The following APLN variants were observed in gnomAD, a reference collection of about 807,000 sequenced individuals.
The protein encoded by APLN is AGTRL1 ligand.
APLN carries 2 observed loss-of-function variants against 4.3 expected under a neutral mutation model. The ratio of observed to expected loss-of-function variants is 0.46; its 90% CI spans 0.19 to 1.45. APLN has a LOEUF of 1.45. Ranked by LOEUF, APLN falls within the 40% of genes most tolerant of loss-of-function variation. The probability of loss-of-function intolerance (pLI) is 0.25; values close to 1 mark genes in which losing one functional copy is unlikely to be tolerated. For synonymous variants in APLN, 34 were observed against 30.4 expected (o/e 1.12, Z -0.38); for missense variants, 80 against 70.0 (o/e 1.14, Z -0.51).
In APLN at chrX:129,646,885, C is replaced by T. The variant is rs1045858574; in HGVS notation, c.*1038G>A. The T allele has an allele frequency of 8.9e-6, 1 of 112,730 alleles. No homozygotes were observed. The highest frequency in any genetic ancestry group is 1.9e-5 in the Non-Finnish European group (1 of 53,464). 9.3% of individuals were successfully genotyped at this position (112,730 alleles called of 1,213,427 possible). A position where few individuals can be genotyped will look rare whatever the true frequency, so the allele number is the denominator to read the frequency against. On this transcript the variant is annotated 3_prime_UTR_variant, in exon 3 of 3. Coordinates refer to ENST00000429967, the MANE Select transcript of APLN (RefSeq NM_017413.5). Reference sequence around the variant, plus strand: ...CCAGCTTGCCTCTCCCTTCCCTTCCCCTCCCAGCCACCCCCAGCCCCAGCC... The same window carrying T: ...CCAGCTTGCCTCTCCCTTCCCTTCCTCTCCCAGCCACCCCCAGCCCCAGCC...
chrX:129,647,983 A>G (rs977596399), intron 2 of APLN, 66 bp from the exon 3 acceptor site: 61 of 964,789 alleles, frequency 6.3e-5, no homozygotes, highest in Admixed American at 1.3e-4. Context: ...ACTCCCCAGG[A>G]AAGGAGAGGA....
chrX:129,646,938 A>G lies in APLN; in HGVS notation c.*985T>C. On this transcript the variant is annotated 3_prime_UTR_variant, in exon 3 of 3. Transcript: ENST00000429967. ...GGGAAAAGGCACTTCATTTGCTTTG[A>G]AAAGACATCATCAAGAGGGAAGAGG... is the stretch of plus-strand genomic sequence containing the variant. The G allele has an allele frequency of 8.9e-6, 1 of 112,423 alleles. No individual in the cohort carries two copies. The allele number at this position is 112,423 out of a possible 1,213,427, so 9.3% of individuals were successfully genotyped here.
In APLN at chrX:129,647,334, G is replaced by A. The variant is rs937488636; in HGVS notation, c.*589C>T. On this transcript the variant is annotated 3_prime_UTR_variant, in exon 3 of 3. Transcript: ENST00000429967. ...CTACCTCTCCCTTAACTGAGCAAAC[G>A]CTGATGCTCCACCCACTTCACCAGA... The A allele has an allele frequency of 4.5e-6, 1 of 221,964 alleles. No individual in the cohort carries two copies. The highest frequency in any genetic ancestry group is 2.9e-5 in the African/African-American group (1 of 34,432). The allele number at this position is 221,964 out of a possible 1,213,427, so 18.3% of individuals were successfully genotyped here. A position where few individuals can be genotyped will look rare whatever the true frequency, so the allele number is the denominator to read the frequency against.
Position 129,654,918 on chromosome X carries a change from T to A in APLN, c.-288A>T. 1 of 149,622 alleles carries A rather than the reference T, an allele frequency of 6.7e-6. No homozygotes were observed. The highest frequency in any genetic ancestry group is 1.3e-5 in the Non-Finnish European group (1 of 76,598). 12.3% of individuals were successfully genotyped at this position (149,622 alleles called of 1,213,427 possible). ...TAGCGGCTGGCTGCTCGGCCGCGGC[T>A]GCAACTGCCCGTGACCCCGGCTGCC... On this transcript the variant is annotated 5_prime_UTR_variant, in exon 1 of 3. Transcript: ENST00000429967.
intron 1 of APLN, among the ~76,000 whole-genome samples, chrX:129,650,704 CAT>C (rs751894698): frequency 4.5e-4 from 51 of 112,229 alleles, no homozygotes; most frequent in African/African-American, 1.6e-3. Flanking sequence ...GTCTGACTGT[CAT>C]AGAGCTACCC....
Position 129,647,522 on chromosome X carries a change from G to T in APLN, c.*401C>A. Reference sequence around the variant, plus strand: ...ACAGGAAAACAAGGGATCTGCTGGAGCCCACAGAAGGGAGCACTTCCACCC... The same window carrying T: ...ACAGGAAAACAAGGGATCTGCTGGATCCCACAGAAGGGAGCACTTCCACCC... On this transcript the variant is annotated 3_prime_UTR_variant, in exon 3 of 3. Coordinates refer to ENST00000429967, the MANE Select transcript of APLN (RefSeq NM_017413.5). 2.6e-6 allele frequency: 2 copies of T among 760,005 alleles called. No homozygotes were observed. The highest frequency in any genetic ancestry group is 5.2e-5 in the South Asian group (2 of 38,150). The allele number at this position is 760,005 out of a possible 1,213,427, so 62.6% of individuals were successfully genotyped here.
intron 1 of APLN, 81 bp from the exon 2 acceptor site, chrX:129,648,873 G>C: frequency 1.1e-6 from 1 of 920,896 alleles, no homozygotes; most frequent in South Asian, 2.6e-5. Context: ...CGCGGGAGGG[G>C]TGGTCTGTCC....
At chrX:129,651,134 G>C (rs935656901) in intron 1 of APLN, among the ~76,000 whole-genome samples, 1 of 86,619 alleles carries the variant, frequency 1.2e-5, no homozygotes. Context: ...TGGGGAGCAG[G>C]GTTGGTGGCT....
rs1042298964 is a variant in APLN, at chrX:129,646,079, C to G, written c.*1844G>C. On this transcript the variant is annotated 3_prime_UTR_variant, in exon 3 of 3. Transcript: ENST00000429967. ...GGGCTTGGCTGCAGGTCATGGCAGG[C>G]CGATGAGGCAGGAGACACAGAAAGG... is the stretch of plus-strand genomic sequence containing the variant. 1 of 112,536 alleles carries G rather than the reference C, an allele frequency of 8.9e-6. No homozygotes were observed. Among genetic ancestry groups the G allele is most frequent in the Non-Finnish European group, 1.9e-5 (1 of 53,462 alleles). The allele number at this position is 112,536 out of a possible 1,213,427, so 9.3% of individuals were successfully genotyped here.
At chrX:129,650,615 A>G (rs1293530699) in intron 1 of APLN, among the ~76,000 whole-genome samples, 1 of 112,582 alleles carries the variant, frequency 8.9e-6, no homozygotes, top group African/African-American at 3.2e-5. Context: ...CCTTAAATTC[A>G]TAACCTATGA....
intron 1 of APLN, among the ~76,000 whole-genome samples, chrX:129,652,861 G>A (rs1158708603): frequency 9.0e-6 from 1 of 111,126 alleles, no homozygotes; most frequent in East Asian, 2.9e-4. Context: ...CAGCCTCTGG[G>A]GGGAGCACCA....
chrX:129,645,333 A>G lies in APLN; in HGVS notation c.*2590T>C, dbSNP rs534223438. 2 of 112,770 alleles carry G rather than the reference A, an allele frequency of 1.8e-5. No individual in the cohort carries two copies. The highest frequency in any genetic ancestry group is 6.4e-5 in the African/African-American group (2 of 31,062). 9.3% of individuals were successfully genotyped at this position (112,770 alleles called of 1,213,427 possible). A position where few individuals can be genotyped will look rare whatever the true frequency, so the allele number is the denominator to read the frequency against. On this transcript the variant is annotated 3_prime_UTR_variant, in exon 3 of 3. Coordinates refer to ENST00000429967, the MANE Select transcript of APLN (RefSeq NM_017413.5). ...GCAACTCTACTTTGTGAAACATAAA[A>G]TGATACAAACAAAGTCATTATCAAA...
rs1423131206 is a variant in APLN at position 129,645,769 on chromosome X, GC to G, written c.*2153del. Reference sequence around the variant, plus strand: ...CCCATGACCCCCAGGGGAAAGGAATGCCCCTCCTGAACATGACCTCCAAGAG... The same window carrying G: ...CCCATGACCCCCAGGGGAAAGGAATGCCCTCCTGAACATGACCTCCAAGAG... On this transcript the variant is annotated 3_prime_UTR_variant, in exon 3 of 3. Transcript: ENST00000429967. 1 of 112,503 alleles carries G rather than the reference GC, an allele frequency of 8.9e-6. No homozygotes were observed. Among genetic ancestry groups the G allele is most frequent in the East Asian group, 2.8e-4 (1 of 3,586 alleles). 9.3% of individuals were successfully genotyped at this position (112,503 alleles called of 1,213,427 possible).
Position 129,652,697 on chromosome X carries a change from G to A in APLN, c.67+1867C>T, listed in dbSNP as rs2235311. 1.2e-4 allele frequency among the ~76,000 whole-genome samples: 14 copies of A among 112,564 alleles called. No homozygotes were observed. In the East Asian group the frequency reaches 2.8e-3, roughly 23 times the overall value. On this transcript the variant is annotated intron_variant, in intron 1 of 2. Transcript: ENST00000429967. ...AATGAAGACGGGGGAATTAAAGCAC[G>A]AAGTGGCAGGCTCTGGACCAGCCAC...
intron 1 of APLN, 84 bp downstream of exon 1, chrX:129,654,480 C>G: frequency 1.1e-6 from 1 of 950,145 alleles, no homozygotes; most frequent in Non-Finnish European, 1.4e-6. Flanking sequence ...CCGGGCTCCC[C>G]GGGAGGCGGG....
chrX:129,654,885 CTCTT>C lies in APLN; in HGVS notation c.-259_-256del. 5.8e-6 allele frequency: 1 copy of C among 172,406 alleles called. No individual in the cohort carries two copies. Among genetic ancestry groups the C allele is most frequent in the Non-Finnish European group, 1.1e-5 (1 of 91,326 alleles). The allele number at this position is 172,406 out of a possible 1,213,427, so 14.2% of individuals were successfully genotyped here. Reference sequence around the variant, plus strand: ...CGGCTCCGGGAGCGGCAGCGGCGAGCTCTTTCTTAGCGGCTGGCTGCTCGGCCGC... The same window carrying C: ...CGGCTCCGGGAGCGGCAGCGGCGAGCTCTTAGCGGCTGGCTGCTCGGCCGC... On this transcript the variant is annotated 5_prime_UTR_variant, in exon 1 of 3. Transcript: ENST00000429967.
Position 129,652,902 on chromosome X carries a change from C to T in APLN, c.67+1662G>A, listed in dbSNP as rs563741121. Among the ~76,000 whole-genome samples the T allele has an allele frequency of 3.6e-5, 4 of 111,792 alleles. No individual in the cohort carries two copies. The South Asian group carries it at 1.5e-3, about 42-fold the overall frequency. ...GCAGATCCAGGAGCCCTACCTTCCT[C>T]TGGAACACTCTCTGCACCCAGTCTT... On this transcript the variant is annotated intron_variant, in intron 1 of 2. Transcript: ENST00000429967.
intron 1 of APLN, among the ~76,000 whole-genome samples, chrX:129,653,956 C>T (rs1284371627): frequency 2.7e-5 from 3 of 111,757 alleles, no homozygotes; most frequent in Non-Finnish European, 5.7e-5. Context: ...CGGCTGGGCC[C>T]GGCCCTGCCT....
At chrX:129,652,860 G>T (rs1021549889) in intron 1 of APLN, among the ~76,000 whole-genome samples, 1 of 111,114 alleles carries the variant, frequency 9.0e-6, no homozygotes, top group Admixed American at 9.4e-5. Context: ...ACAGCCTCTG[G>T]GGGGAGCACC....
Sources: allele counts gnomAD v4.1 joint callset (sites outside exome capture counted in the v4.1 genomes callset), GRCh38; gene constraint gnomAD v4.1.1; transcripts MANE v1.5; gene names NCBI Gene and HGNC (gene_info 2026-07-23, HGNC 2026-07-21).